MAEL: variants seen among roughly 807,000 people sequenced by gnomAD.
The protein encoded by MAEL is protein maelstrom homolog.
A neutral mutation model predicts 62.0 loss-of-function variants in MAEL; 46 were observed. The ratio of observed to expected loss-of-function variants is 0.74; its 90% CI spans 0.59 to 0.95. MAEL has a LOEUF of 0.95. Among genes scored for constraint, MAEL ranks in the 40% least tolerant of loss-of-function variants. The probability of loss-of-function intolerance (pLI) is 0.00; values close to 1 mark genes in which losing one functional copy is unlikely to be tolerated. For synonymous variants in MAEL, 172 were observed against 175.5 expected, an observed-to-expected ratio of 0.98 and a Z score of 0.16; for missense variants, 497 against 526.8, an observed-to-expected ratio of 0.94 and a Z score of 0.55.
intron 1 of MAEL, among the ~76,000 whole-genome samples, chr1:166,980,784 T>C (rs973965271): frequency 1.3e-5 from 2 of 152,128 alleles, no homozygotes; most frequent in African/African-American, 2.4e-5. Flanking sequence ...GCAATTCTTA[T>C]ACTAGTGGTC....
intron 1 of MAEL, among the ~76,000 whole-genome samples, chr1:166,981,458 A>G (rs1451374820): frequency 6.6e-6 from 1 of 152,126 alleles, no homozygotes; most frequent in Non-Finnish European, 1.5e-5. Context: ...CCTTATGTCA[A>G]ATAGCTTACA....
In MAEL at chr1:166,989,368, G is replaced by A. The variant is rs971792339; in HGVS notation, c.16G>A (p.Ala6Thr). The change falls in exon 1 of 12, where the codon GCC (alanine) becomes ACC (threonine). Residue 6 changes from alanine (A) to threonine (T), a missense_variant. By Grantham distance (58) the Ala-to-Thr change is moderately conservative. Transcript: ENST00000367872. ...CCGCGCTGCCATGCCGAACCGTAAGGCCAGCCGGAATGCTTACTATTTCTT... is the reference window on the plus strand; with the variant it reads ...CCGCGCTGCCATGCCGAACCGTAAGACCAGCCGGAATGCTTACTATTTCTT... MPNRK[A>T]SRNAYYFFVQ... 6.2e-7 allele frequency: 1 copy of A among 1,610,082 alleles called. No individual in the cohort carries two copies.
chr1:166,985,389 T>G (rs1571235413), upstream of MAEL, among the ~76,000 whole-genome samples: 1 of 152,074 alleles, frequency 6.6e-6, no homozygotes, highest in East Asian at 1.9e-4. Context: ...TACTGATCAG[T>G]GCATGTGTGG....
chr1:166,979,304 G>A (rs1300740170), intron 1 of MAEL, among the ~76,000 whole-genome samples: 1 of 150,640 alleles, frequency 6.6e-6, no homozygotes, highest in Non-Finnish European at 1.5e-5. Flanking sequence ...CTACCTTTTG[G>A]GTTTGTTATC....
At chr1:166,983,491 T>C (rs1382026523) in intron 1 of MAEL, among the ~76,000 whole-genome samples, 1 of 152,134 alleles carries the variant, frequency 6.6e-6, no homozygotes, top group East Asian at 1.9e-4. Flanking sequence ...CAGACTTACA[T>C]GGTCAATTGC....
At chr1:166,982,491 C>T (rs1043323157) in intron 1 of MAEL, among the ~76,000 whole-genome samples, 2 of 152,108 alleles carry the variant, frequency 1.3e-5, no homozygotes, top group African/African-American at 2.4e-5. Flanking sequence ...CCTATTATTA[C>T]TACTATTATT....
intron 1 of MAEL, among the ~76,000 whole-genome samples, chr1:166,981,605 T>C (rs538927242): frequency 6.6e-6 from 1 of 152,246 alleles, no homozygotes; most frequent in African/African-American, 2.4e-5. Flanking sequence ...CAATTAGTTA[T>C]CAGTAGTCCT....
chr1:166,993,248 G>A (rs1664269533), intron 4 of MAEL, among the ~76,000 whole-genome samples: 1 of 152,122 alleles, frequency 6.6e-6, no homozygotes, highest in South Asian at 2.1e-4. Flanking sequence ...TAACCCCTCT[G>A]AACCTATTAG....
chr1:167,001,705 G>T (rs1290817262), intron 5 of MAEL, among the ~76,000 whole-genome samples: 1 of 152,172 alleles, frequency 6.6e-6, no homozygotes, highest in Non-Finnish European at 1.5e-5. Flanking sequence ...TCCCTATCTG[G>T]CTAGGGAGAT....
intron 8 of MAEL, among the ~76,000 whole-genome samples, chr1:167,011,195 T>C (rs1194649158): frequency 6.6e-6 from 1 of 152,194 alleles, no homozygotes; most frequent in East Asian, 1.9e-4. Flanking sequence ...TCCCCAAGTT[T>C]TTTCTGGACT....
At chr1:166,989,708 C>T (rs1664077014) in intron 1 of MAEL, 29 bp from the exon 2 acceptor site, 4 of 1,604,776 alleles carry the variant, frequency 2.5e-6, no homozygotes, top group Non-Finnish European at 3.4e-6. Context: ...ACGGCTGTTT[C>T]TCTTCTTTGC....
chr1:166,994,143 C>A, intron 5 of MAEL, 74 bp downstream of exon 5: 7 of 1,274,882 alleles, frequency 5.5e-6, no homozygotes, highest in Non-Finnish European at 5.6e-6. Context: ...TCCTTTTACA[C>A]ACAAACTATA....
chr1:166,999,759 T>TTGTTA lies in MAEL; in HGVS notation c.524-4420_524-4416dup, dbSNP rs1470117701. 3.9e-5 allele frequency among the ~76,000 whole-genome samples: 6 copies of TTGTTA among 152,324 alleles called. No individual in the cohort carries two copies. The East Asian group carries it at 1.2e-3, about 29-fold the overall frequency. Reference sequence around the variant, plus strand: ...GGCTTCACAGGACAGACTGATTCTCTTGTTAGTGACTAATGCAGCTGGTGA... The same window carrying TTGTTA: ...GGCTTCACAGGACAGACTGATTCTCTTGTTATGTTAGTGACTAATGCAGCTGGTGA... On this transcript the variant is annotated intron_variant, in intron 5 of 11. Transcript: ENST00000367872.
At chr1:167,021,535 A>G in intron 11 of MAEL, 133 bp from the exon 12 acceptor site, 1 of 645,434 alleles carries the variant, frequency 1.5e-6, no homozygotes, top group Non-Finnish European at 2.5e-6. Context: ...TGGGCTAAAA[A>G]CAAAAACATT....
intron 2 of MAEL, chr1:166,990,048 G>C: frequency 1.9e-6 from 1 of 515,806 alleles, no homozygotes; most frequent in Non-Finnish European, 3.5e-6. Flanking sequence ...ATTTGATGGT[G>C]AAAGGCCTGG....
At position 167,021,762 on chromosome 1, in the gene MAEL, C is replaced by G; in HGVS notation, c.1212C>G (p.Ser404=). ...TACTAGAGAGCATTTCCAATTCTTC[C>G]AGCAATATCCACAAATTCTCCAACT... ...TRLLESISNS[S]SNIHKFSNCD... Residue 404 remains serine, a synonymous_variant, in exon 12 of 12, where the codon TCC becomes TCG. Transcript: ENST00000367872. The G allele has an allele frequency of 2.5e-6, 4 of 1,613,112 alleles. No individual in the cohort carries two copies. The highest frequency in any genetic ancestry group is 3.3e-4 in the Middle Eastern group (2 of 6,058).
At chr1:166,994,880 G>T (rs557649749) in intron 5 of MAEL, among the ~76,000 whole-genome samples, 2 of 151,578 alleles carry the variant, frequency 1.3e-5, no homozygotes, top group East Asian at 1.9e-4. Flanking sequence ...ATGTTGGCCA[G>T]GATGGTCTCG....
At chr1:167,019,780 C>A (rs1166148001) in intron 10 of MAEL, among the ~76,000 whole-genome samples, 4 of 152,060 alleles carry the variant, frequency 2.6e-5, no homozygotes, top group Non-Finnish European at 4.4e-5. Flanking sequence ...AGTCAGTAGA[C>A]TCCAAATGGC....
chr1:167,000,176 G>A (rs947363318), intron 5 of MAEL, among the ~76,000 whole-genome samples: 1 of 152,248 alleles, frequency 6.6e-6, no homozygotes, highest in South Asian at 2.1e-4. Flanking sequence ...GTCATAAATG[G>A]TGATTCTTCT....
Sources: gnomAD v4.1 joint callset for allele counts (sites outside exome capture counted in the v4.1 genomes callset) on GRCh38, gnomAD v4.1.1 for gene constraint, MANE v1.5 for transcripts, NCBI Gene and HGNC (gene_info 2026-07-23, HGNC 2026-07-21) for gene names.